HAVCR1: variants seen among roughly 807,000 people sequenced by gnomAD.
The protein encoded by HAVCR1 is T cell immunoglobin domain and mucin domain protein 1.
In HAVCR1, 34 loss-of-function variants were observed where a neutral mutation model predicts 32.0. The ratio of observed to expected loss-of-function variants is 1.06; its 90% confidence interval spans 0.81 to 1.42. The LOEUF (loss-of-function observed/expected upper bound fraction) is 1.42, where lower values mean the gene tolerates loss of function less well. HAVCR1 is among the 40% of genes most tolerant of loss of function. HAVCR1 has a pLI of 0.00. For missense variants in HAVCR1, 420 were observed against 442.3 expected (o/e 0.95, Z 0.45); for synonymous variants, 178 against 170.3 (o/e 1.05, Z -0.35).
chr5:157,067,285 G>A, the HAVCR1 span, among the ~76,000 whole-genome samples: 1 of 152,146 alleles, frequency 6.6e-6, no homozygotes, highest in African/African-American at 2.4e-5. Flanking sequence ...TTAATGGCTT[G>A]CCAGTGCCTT....
chr5:157,036,857 TTTTG>T (rs1020451885), intron 7 of HAVCR1, among the ~76,000 whole-genome samples: 6 of 151,796 alleles, frequency 4.0e-5, no homozygotes, highest in Admixed American at 6.6e-5. Context: ...TTAATGGTTT[TTTTG>T]TTTGTTTGTT....
the HAVCR1 span, among the ~76,000 whole-genome samples, chr5:157,068,887 A>G: frequency 2.0e-5 from 3 of 152,208 alleles, no homozygotes; most frequent in Admixed American, 1.3e-4. Flanking sequence ...CTGGGATTAT[A>G]GGCATGAGCC....
intron 7 of HAVCR1, among the ~76,000 whole-genome samples, chr5:157,034,875 C>G (rs4704732): frequency 0.21 from 32,133 of 152,048 alleles, 4,091 homozygotes; most frequent in Admixed American, 0.32. Flanking sequence ...TACAGATTAA[C>G]AGCATCTCAA....
upstream of HAVCR1, among the ~76,000 whole-genome samples, chr5:157,059,949 A>C (rs1756436861): frequency 6.6e-6 from 1 of 152,194 alleles, no homozygotes; most frequent in South Asian, 2.1e-4. Context: ...ACTGCACACC[A>C]GCCGGGGTGA....
rs527934379 is a variant in HAVCR1 at position 157,043,075 on chromosome 5, G to C, written c.782-393C>G. On this transcript the variant is annotated intron_variant, in intron 5 of 8. Transcript: ENST00000523175. ...AACAGCTGTAAATGAATGGTCAGAG[G>C]CATGTACATCCAAAAACCAGAACCA... Among the ~76,000 whole-genome samples the C allele has an allele frequency of 2.0e-5, 3 of 152,254 alleles. 1 individual carries two copies. In the East Asian group the frequency reaches 5.8e-4, roughly 29 times the overall value.
Position 157,029,663 on chromosome 5 carries a change from TCTGATGTG to T in HAVCR1, c.*62_*69del, listed in dbSNP as rs1561575195. ...AAATTGTCTTGGGGTCTAAAAGACG[TCTGATGTG>T]CTGATGTCTGTTCAGTCTTCTGCAC... On this transcript the variant is annotated 3_prime_UTR_variant, in exon 9 of 9. Transcript: ENST00000523175. The T allele has an allele frequency of 1.9e-6, 3 of 1,604,442 alleles. No homozygotes were observed. The highest frequency in any genetic ancestry group is 1.7e-6 in the Non-Finnish European group (2 of 1,176,616).
At chr5:157,044,676 A>AGAAAGAGGAGGGAG (rs142603344) in intron 5 of HAVCR1, among the ~76,000 whole-genome samples, 1 of 109,454 alleles carries the variant, frequency 9.1e-6, no homozygotes, top group East Asian at 3.5e-4. Flanking sequence ...AAAGAAAGAA[A>AGAAAGAGGAGGGAG]GGAGGGAGGG....
At chr5:157,034,016 C>T (rs1190255855) in intron 7 of HAVCR1, among the ~76,000 whole-genome samples, 21 of 152,140 alleles carry the variant, frequency 1.4e-4, no homozygotes, top group Admixed American at 1.2e-3. Flanking sequence ...GGGGGCCAGC[C>T]CCTCCACACC....
intron 7 of HAVCR1, among the ~76,000 whole-genome samples, chr5:157,033,577 C>CG (rs1303942235): frequency 1.2e-3 from 2 of 1,616 alleles, no homozygotes; most frequent in Non-Finnish European, 2.7e-3. Context: ...AGGGCGGGGG[C>CG]GGGGGCGGGT....
At position 157,044,676 on chromosome 5, in the gene HAVCR1, A is replaced by AGAAAGGAG. The variant is rs142603344; in HGVS notation, c.782-1995_782-1994insCTCCTTTC. Among the ~76,000 whole-genome samples the AGAAAGGAG allele has an allele frequency of 1.9e-3, 209 of 109,338 alleles. 1 individual carries two copies. Among genetic ancestry groups the AGAAAGGAG allele is most frequent in the African/African-American group, 5.9e-3 (188 of 31,690 alleles). The allele number at this position is 109,338 out of a possible 152,430, so 71.7% of individuals were successfully genotyped here. ...AAGAAAGAAAGAAAGAAAGAAAGAA[A>AGAAAGGAG]GGAGGGAGGGAGGAAGGAAGGAAGG... On this transcript the variant is annotated intron_variant, in intron 5 of 8. Transcript: ENST00000523175.
At chr5:157,042,574 C>T in intron 6 of HAVCR1, 53 bp downstream of exon 6, 1 of 1,084,198 alleles carries the variant, frequency 9.2e-7, no homozygotes. Context: ...AACTTGCTTC[C>T]AAGGAGATAT....
rs568218226 is a variant in HAVCR1 at position 157,050,220 on chromosome 5, C to G, written c.674-1075G>C. On this transcript the variant is annotated intron_variant, in intron 4 of 8. Transcript: ENST00000523175. ...CTCAAACCTGTAAGAGGATGTGGCT[C>G]TCTTTCGGAACGAAAAACAGAACAA... 2.0e-5 allele frequency among the ~76,000 whole-genome samples: 3 copies of G among 152,330 alleles called. No individual in the cohort carries two copies. In the South Asian group the frequency reaches 6.2e-4, roughly 32 times the overall value.
At chr5:157,058,280 A>C in intron 1 of HAVCR1, 1 of 219,874 alleles carries the variant, frequency 4.5e-6, no homozygotes, top group Non-Finnish European at 9.1e-6. Context: ...AAAAGGAAAC[A>C]GGGCCGGGCG....
At chr5:157,044,613 A>AAGAAAGAAAGAAAGAAAGAAAGAAAG (rs1561591081) in intron 5 of HAVCR1, among the ~76,000 whole-genome samples, 2 of 25,544 alleles carry the variant, frequency 7.8e-5, no homozygotes, top group Non-Finnish European at 1.9e-4. Flanking sequence ...GAAAGAAAGA[A>AAGAAAGAAAGAAAGAAAGAAAGAAAG]AGAGAAAGAA....
upstream of HAVCR1, among the ~76,000 whole-genome samples, chr5:157,061,655 G>A (rs576265627): frequency 5.9e-5 from 9 of 151,522 alleles, no homozygotes; most frequent in East Asian, 1.2e-3. Flanking sequence ...TACCCTGAGC[G>A]GAGATCATGC....
At chr5:157,059,855 TG>T (rs2113658790), upstream of HAVCR1, among the ~76,000 whole-genome samples, 1 of 151,970 alleles carries the variant, frequency 6.6e-6, no homozygotes, top group South Asian at 2.1e-4. Context: ...TCAGGCCTTG[TG>T]TACCTGACCG....
intron 6 of HAVCR1, among the ~76,000 whole-genome samples, chr5:157,037,904 C>T (rs1401943428): frequency 2.6e-5 from 4 of 151,982 alleles, no homozygotes; most frequent in Non-Finnish European, 4.4e-5. Context: ...ATCCCAGCTA[C>T]TTGGGAGGCG....
intron 2 of HAVCR1, among the ~76,000 whole-genome samples, chr5:157,056,541 G>T (rs890924552): frequency 6.6e-6 from 1 of 151,646 alleles, no homozygotes; most frequent in Non-Finnish European, 1.5e-5. Flanking sequence ...CGCCACGCCC[G>T]GCTAATTTTT....
At chr5:157,047,656 C>T (rs982556455) in intron 5 of HAVCR1, among the ~76,000 whole-genome samples, 1 of 152,184 alleles carries the variant, frequency 6.6e-6, no homozygotes, top group Non-Finnish European at 1.5e-5. Flanking sequence ...GCATGGAACC[C>T]TTTCCCATAT....
Sources: gnomAD v4.1 joint callset for allele counts (sites outside exome capture counted in the v4.1 genomes callset) on GRCh38, gnomAD v4.1.1 for gene constraint, MANE v1.5 for transcripts, NCBI Gene and HGNC (gene_info 2026-07-23, HGNC 2026-07-21) for gene names.